ITPR2: variants seen among roughly 807,000 people sequenced by gnomAD.
The protein encoded by ITPR2 is inositol 1,4,5-trisphosphate-gated calcium channel ITPR2.
Under a neutral mutation model 317.1 loss-of-function variants are expected in ITPR2, and 207 were observed. The ratio of observed to expected loss-of-function variants is 0.65; its 90% CI spans 0.58 to 0.73. The LOEUF is 0.73. ITPR2 is among the 30% of genes least tolerant of loss of function. ITPR2 has a pLI of 0.00. For missense variants in ITPR2, 2,613 were observed against 3,284.0 expected (o/e 0.80, Z 4.99); for synonymous variants, 1,156 against 1,149.1 (o/e 1.01, Z -0.12).
At chr12:26,366,903 C>CA (rs1460422283) in intron 55 of ITPR2, among the ~76,000 whole-genome samples, 1 of 152,048 alleles carries the variant, frequency 6.6e-6, no homozygotes, top group East Asian at 1.9e-4. Context: ...CTTGGTCCTA[C>CA]AAAAAATCAT....
intron 5 of ITPR2, among the ~76,000 whole-genome samples, chr12:26,718,721 T>G (rs991026352): frequency 2.6e-5 from 4 of 152,036 alleles, no homozygotes; most frequent in African/African-American, 9.7e-5. Flanking sequence ...GCGATTCTCT[T>G]GCCTCAGCCT....
At chr12:26,771,525 G>T (rs372528055) in intron 2 of ITPR2, among the ~76,000 whole-genome samples, 2 of 152,030 alleles carry the variant, frequency 1.3e-5, no homozygotes, top group African/African-American at 2.4e-5. Context: ...TTTTTGTTTT[G>T]TTTTTTTGAA....
intron 48 of ITPR2, among the ~76,000 whole-genome samples, chr12:26,434,315 T>A: frequency 6.6e-6 from 1 of 152,216 alleles, no homozygotes; most frequent in Admixed American, 6.5e-5. Flanking sequence ...GTATGTGAAG[T>A]GCTTAGCATT....
chr12:26,647,886 C>T (rs1947151193), intron 21 of ITPR2, among the ~76,000 whole-genome samples: 2 of 152,224 alleles, frequency 1.3e-5, no homozygotes, highest in Non-Finnish European at 2.9e-5. Flanking sequence ...AAGCCTCAAT[C>T]ATTTTCTGAA....
chr12:26,631,570 C>T (rs939325889), intron 22 of ITPR2, among the ~76,000 whole-genome samples: 5 of 152,112 alleles, frequency 3.3e-5, no homozygotes, highest in African/African-American at 9.7e-5. Context: ...AAAGTTCCAT[C>T]AGGGACAATA....
In ITPR2 at chr12:26,487,209, T is replaced by G. The variant is rs1423203839; in HGVS notation, c.5413A>C (p.Lys1805Gln). 2.5e-6 allele frequency: 4 copies of G among 1,606,304 alleles called. No individual in the cohort carries two copies. In the Admixed American group the frequency reaches 7.0e-5, roughly 28 times the overall value. Residue 1805 changes from lysine (K) to glutamine (Q), a missense_variant, in exon 40 of 57, where the codon AAA becomes CAA. Physicochemically the swap from Lys to Gln is moderately conservative, Grantham distance 53. Transcript: ENST00000381340. Reference protein sequence around the residue: ...QQLHEQKKSEKFFKVLYDRMK... With the variant: ...QQLHEQKKSEQFFKVLYDRMK... The stretch of plus-strand genomic sequence containing the variant: ...CGATCATAGAGAACTTTAAAGAATT[T>G]TTCTGACTTTTTTTGTTCATGCAAC...
At chr12:26,525,198 A>T (rs1943779665) in intron 37 of ITPR2, among the ~76,000 whole-genome samples, 1 of 152,206 alleles carries the variant, frequency 6.6e-6, no homozygotes, top group Non-Finnish European at 1.5e-5. Context: ...CATGGAAGGC[A>T]GGGGATGGCA....
chr12:26,413,219 T>A (rs939376245), intron 51 of ITPR2, among the ~76,000 whole-genome samples: 1 of 152,254 alleles, frequency 6.6e-6, no homozygotes, highest in Non-Finnish European at 1.5e-5. Context: ...CCTCTGGTCC[T>A]GCAGGCAGGA....
At position 26,339,486 on chromosome 12, in the gene ITPR2, G is replaced by A. The variant is rs1208151299; in HGVS notation, c.8020-3C>T. The stretch of plus-strand genomic sequence containing the variant: ...TTATTCTTCCTTTGTTCTGTCATCT[G>A]GGGGAAAAGAGAGAGTGTGTGTTCA... On this transcript the variant is annotated splice_region_variant and splice_polypyrimidine_tract_variant and intron_variant, in intron 56 of 56. Coordinates refer to ENST00000381340, the MANE Select transcript of ITPR2 (RefSeq NM_002223.4). 6.2e-7 allele frequency: 1 copy of A among 1,612,878 alleles called. No homozygotes were observed. Among genetic ancestry groups the A allele is most frequent in the Non-Finnish European group, 8.5e-7 (1 of 1,179,076 alleles).
chr12:26,491,482 CAAAAAAAA>C (rs57612774), intron 39 of ITPR2, among the ~76,000 whole-genome samples: 7 of 57,830 alleles, frequency 1.2e-4, no homozygotes, highest in Admixed American at 2.6e-4. Context: ...GACTCCATCT[CAAAAAAAA>C]AAAAAAAAAA....
intron 36 of ITPR2, among the ~76,000 whole-genome samples, chr12:26,554,010 G>A (rs978508313): frequency 6.6e-6 from 1 of 152,118 alleles, no homozygotes; most frequent in Admixed American, 6.5e-5. Flanking sequence ...TACTTCATGT[G>A]CGTGTGGGAT....
intron 2 of ITPR2, among the ~76,000 whole-genome samples, chr12:26,732,722 G>T (rs372479582): frequency 2.0e-5 from 3 of 152,156 alleles, no homozygotes; most frequent in African/African-American, 7.2e-5. Flanking sequence ...GATGCCACTG[G>T]GAGCAGGTTG....
At position 26,365,739 on chromosome 12, in the gene ITPR2, A is replaced by G. The variant is rs551900915; in HGVS notation, c.7857+21695T>C. On this transcript the variant is annotated intron_variant, in intron 55 of 56. Coordinates refer to ENST00000381340, the MANE Select transcript of ITPR2 (RefSeq NM_002223.4). ...TTAAATAGAATGCTTGTTTAAAACA[A>G]TTCTATCTGACTAAGACAATGTCAA... 2.0e-5 allele frequency among the ~76,000 whole-genome samples: 3 copies of G among 152,338 alleles called. No homozygotes were observed. The South Asian group carries it at 6.2e-4, about 32-fold the overall frequency.
intron 21 of ITPR2, among the ~76,000 whole-genome samples, chr12:26,634,676 A>G (rs933108670): frequency 1.3e-5 from 2 of 152,092 alleles, no homozygotes; most frequent in Non-Finnish European, 2.9e-5. Context: ...ACTTGAGGCC[A>G]GGAGATGAGA....
At chr12:26,470,566 T>C (rs1942272032) in intron 45 of ITPR2, among the ~76,000 whole-genome samples, 1 of 152,224 alleles carries the variant, frequency 6.6e-6, no homozygotes, top group African/African-American at 2.4e-5. Flanking sequence ...TAGTCCATTT[T>C]ACCAGTAATC....
chr12:26,616,202 A>G (rs902738321), intron 26 of ITPR2, among the ~76,000 whole-genome samples: 2 of 151,914 alleles, frequency 1.3e-5, no homozygotes, highest in Non-Finnish European at 1.5e-5. Flanking sequence ...CAGTGGTGCA[A>G]TCTCGGCTCA....
chr12:26,448,102 G>A (rs1941654896), intron 45 of ITPR2, among the ~76,000 whole-genome samples: 1 of 151,710 alleles, frequency 6.6e-6, no homozygotes. Flanking sequence ...TTCTGCACAA[G>A]TATGGCACAT....
chr12:26,762,830 A>C (rs532339090), intron 2 of ITPR2, among the ~76,000 whole-genome samples: 47 of 152,278 alleles, frequency 3.1e-4, no homozygotes, highest in Non-Finnish European at 6.3e-4. Flanking sequence ...AATTATTATA[A>C]AAACAATTAT....
chr12:26,789,336 T>C (rs972048535), intron 2 of ITPR2, among the ~76,000 whole-genome samples: 3 of 152,220 alleles, frequency 2.0e-5, no homozygotes, highest in Non-Finnish European at 4.4e-5. Context: ...AACCCAATGC[T>C]AACTGTCTCC....
Sources: gnomAD v4.1 joint callset for allele counts (sites outside exome capture counted in the v4.1 genomes callset) on GRCh38, gnomAD v4.1.1 for gene constraint, MANE v1.5 for transcripts, NCBI Gene and HGNC (gene_info 2026-07-23, HGNC 2026-07-21) for gene names.